Variants in ZMAT4 observed in about 807,000 individuals in gnomAD.
ZMAT4 encodes zinc finger matrin-type 4, also known as zinc finger matrin-type protein 4.
Under a neutral mutation model 28.7 loss-of-function variants are expected in ZMAT4, and 17 were observed. The observed-to-expected ratio is 0.59, with a 90% CI of 0.41 to 0.89. The LOEUF is 0.89. Among genes scored for constraint, ZMAT4 ranks in the 40% least tolerant of loss-of-function variants. The pLI is 0.00. For synonymous variants in ZMAT4, 117 were observed against 109.2 expected (o/e 1.07, Z -0.44); for missense variants, 240 against 283.8 (o/e 0.85, Z 1.11).
intron 6 of ZMAT4, among the ~76,000 whole-genome samples, chr8:40,580,179 A>AT (rs773048824): frequency 1.8e-4 from 27 of 151,676 alleles, no homozygotes; most frequent in Non-Finnish European, 2.8e-4. Flanking sequence ...CGCCTGGCTC[A>AT]TTTTTTGTAT....
At chr8:40,722,493 C>A (rs1811144094) in intron 3 of ZMAT4, among the ~76,000 whole-genome samples, 1 of 152,116 alleles carries the variant, frequency 6.6e-6, no homozygotes. Context: ...CTTTATTATG[C>A]TTGTAATGAT....
intron 3 of ZMAT4, among the ~76,000 whole-genome samples, chr8:40,717,732 G>A (rs963087556): frequency 6.6e-6 from 1 of 152,040 alleles, no homozygotes; most frequent in African/African-American, 2.4e-5. Flanking sequence ...CAGTAAAAAT[G>A]TATATTTCTT....
At chr8:40,749,537 G>A (rs1812372910) in intron 3 of ZMAT4, among the ~76,000 whole-genome samples, 1 of 152,086 alleles carries the variant, frequency 6.6e-6, no homozygotes, top group Non-Finnish European at 1.5e-5. Flanking sequence ...AAGTCTGCAA[G>A]CCACCAACTC....
intron 2 of ZMAT4, among the ~76,000 whole-genome samples, chr8:40,823,010 C>T (rs1223167515): frequency 1.3e-5 from 2 of 152,144 alleles, no homozygotes; most frequent in Non-Finnish European, 2.9e-5. Context: ...TAACTAAACA[C>T]TTCATTGAGC....
chr8:40,674,080 CTTTT>C (rs59753899), intron 5 of ZMAT4, among the ~76,000 whole-genome samples: 7 of 107,266 alleles, frequency 6.5e-5, no homozygotes, highest in African/African-American at 2.5e-4. Context: ...TTTTTATCAT[CTTTT>C]TTTTTTTTTT....
intron 3 of ZMAT4, among the ~76,000 whole-genome samples, chr8:40,729,905 G>A (rs911615942): frequency 6.6e-6 from 1 of 152,086 alleles, no homozygotes; most frequent in African/African-American, 2.4e-5. Flanking sequence ...CTTTCTTGAA[G>A]CCTCAGTATT....
chr8:40,849,514 T>A (rs1817026271), intron 1 of ZMAT4, among the ~76,000 whole-genome samples: 1 of 152,166 alleles, frequency 6.6e-6, no homozygotes. Context: ...CAAAATGATT[T>A]CCCAGGGATG....
At chr8:40,724,014 T>C (rs1289498004) in intron 3 of ZMAT4, among the ~76,000 whole-genome samples, 1 of 152,102 alleles carries the variant, frequency 6.6e-6, no homozygotes, top group Non-Finnish European at 1.5e-5. Context: ...CCAAGGCTCT[T>C]CCCCAAAGAT....
intron 2 of ZMAT4, among the ~76,000 whole-genome samples, chr8:40,824,490 A>T (rs1371439246): frequency 6.6e-6 from 1 of 152,092 alleles, no homozygotes; most frequent in African/African-American, 2.4e-5. Context: ...AAGAAAAGAA[A>T]GAAATTCATG....
chr8:40,744,173 C>T (rs1417528352), intron 3 of ZMAT4, among the ~76,000 whole-genome samples: 1 of 152,176 alleles, frequency 6.6e-6, no homozygotes, highest in Non-Finnish European at 1.5e-5. Flanking sequence ...TCCAACCCTA[C>T]CTGTTAAGAT....
At chr8:40,563,814 G>C (rs1241247813) in intron 6 of ZMAT4, among the ~76,000 whole-genome samples, 1 of 152,044 alleles carries the variant, frequency 6.6e-6, no homozygotes, top group Non-Finnish European at 1.5e-5. Flanking sequence ...CTTAAAGGCA[G>C]CTGTTCCTTG....
intron 2 of ZMAT4, among the ~76,000 whole-genome samples, chr8:40,770,296 A>G (rs1202206665): frequency 6.6e-6 from 1 of 152,134 alleles, no homozygotes; most frequent in Non-Finnish European, 1.5e-5. Context: ...CAGACTTCTC[A>G]GGGGGAGGAG....
intron 5 of ZMAT4, among the ~76,000 whole-genome samples, chr8:40,582,543 T>A (rs1804526092): frequency 6.6e-6 from 1 of 152,212 alleles, no homozygotes; most frequent in Non-Finnish European, 1.5e-5. Flanking sequence ...AGTACAAAAT[T>A]CTGTTCTAGC....
chr8:40,768,791 A>G (rs143441169), intron 2 of ZMAT4, among the ~76,000 whole-genome samples: 9 of 152,270 alleles, frequency 5.9e-5, no homozygotes, highest in African/African-American at 2.2e-4. Flanking sequence ...TCTCGAATCT[A>G]TTGTTCCCTA....
chr8:40,666,790 T>A (rs1808433480), intron 5 of ZMAT4, among the ~76,000 whole-genome samples: 1 of 152,186 alleles, frequency 6.6e-6, no homozygotes, highest in Non-Finnish European at 1.5e-5. Flanking sequence ...GGTCTATTTA[T>A]ACACACATTT....
At chr8:40,604,172 C>T (rs2118631074) in intron 5 of ZMAT4, among the ~76,000 whole-genome samples, 1 of 152,250 alleles carries the variant, frequency 6.6e-6, no homozygotes, top group Middle Eastern at 3.4e-3. Context: ...TGAACAGTGA[C>T]AGTTTGACTT....
intron 6 of ZMAT4, among the ~76,000 whole-genome samples, chr8:40,547,560 C>G (rs1458654174): frequency 1.4e-5 from 2 of 147,444 alleles, no homozygotes; most frequent in African/African-American, 2.6e-5. Context: ...AATCCCTTTA[C>G]ACATGAATGG....
At chr8:40,738,203 A>G (rs909675725) in intron 3 of ZMAT4, among the ~76,000 whole-genome samples, 1 of 152,196 alleles carries the variant, frequency 6.6e-6, no homozygotes, top group African/African-American at 2.4e-5. Flanking sequence ...AAGGAATAAG[A>G]GTCGAACTGG....
At chr8:40,542,095 G>C (rs906681334) in intron 6 of ZMAT4, among the ~76,000 whole-genome samples, 10 of 152,186 alleles carry the variant, frequency 6.6e-5, no homozygotes, top group Admixed American at 1.3e-4. Flanking sequence ...CCGGAGGGGA[G>C]GGAAGGACTG....
Sources: allele counts gnomAD v4.1 joint callset (sites outside exome capture counted in the v4.1 genomes callset), GRCh38; gene constraint gnomAD v4.1.1; transcripts MANE v1.5; gene names NCBI Gene and HGNC (gene_info 2026-07-23, HGNC 2026-07-21).